Variants in PIKFYVE observed in about 807,000 individuals in gnomAD.
PIKFYVE encodes phosphoinositide kinase, FYVE-type zinc finger containing, also known as 1-phosphatidylinositol 3-phosphate 5-kinase.
In PIKFYVE, 122 loss-of-function variants were observed where a neutral mutation model predicts 257.9. The observed-to-expected ratio is 0.47, with a 90% CI of 0.41 to 0.55. PIKFYVE has a LOEUF of 0.55. Among genes scored for constraint, PIKFYVE ranks in the 20% least tolerant of loss-of-function variants. The probability of loss-of-function intolerance (pLI) is 0.00; values close to 1 mark genes in which losing one functional copy is unlikely to be tolerated. For synonymous variants in PIKFYVE, 892 were observed against 868.9 expected (o/e 1.03, Z -0.47); for missense variants, 2,160 against 2,536.6 (o/e 0.85, Z 3.19).
Position 208,335,785 on chromosome 2 carries a change from A to C in PIKFYVE, c.4257-8A>C, listed in dbSNP as rs750164378. On this transcript the variant is annotated splice_polypyrimidine_tract_variant and splice_region_variant and intron_variant, in intron 25 of 41. Transcript: ENST00000264380. ...TTCTAAAGTGTTTAATGCTCTCGCT[A>C]TTGTTAGAGTTTCACAGGTATATGT... 1.3e-6 allele frequency: 2 copies of C among 1,592,910 alleles called. No homozygotes were observed. Among genetic ancestry groups the C allele is most frequent in the Admixed American group, 3.3e-5 (2 of 59,962 alleles).
At position 208,330,653 on chromosome 2, in the gene PIKFYVE, C is replaced by T. The variant is rs774039365; in HGVS notation, c.3922C>T (p.His1308Tyr). The stretch of plus-strand genomic sequence containing the variant: ...GGATTCTCCAGTACCTGGATATCAG[C>T]ATACAATTCTTACATATTCCTGGTG... ...ELDSPVPGYQ[H>Y]TILTYSWCRI... Residue 1308 changes from histidine to tyrosine, a missense_variant, in exon 23 of 42, where the codon CAT (histidine) becomes TAT (tyrosine). Transcript: ENST00000264380. 1.2e-6 allele frequency: 2 copies of T among 1,613,886 alleles called. No homozygotes were observed. Among genetic ancestry groups the T allele is most frequent in the African/African-American group, 1.3e-5 (1 of 74,904 alleles).
chr2:208,327,578 G>C (rs1336488183), intron 20 of PIKFYVE, among the ~76,000 whole-genome samples: 1 of 152,140 alleles, frequency 6.6e-6, no homozygotes, highest in Non-Finnish European at 1.5e-5. Context: ...TTTGTACTTA[G>C]GAAGTGATGT....
In PIKFYVE at chr2:208,305,786, GAATA is replaced by G. The variant is rs547977681; in HGVS notation, c.1636+780_1636+783del. 3.6e-4 allele frequency among the ~76,000 whole-genome samples: 55 copies of G among 152,160 alleles called. 1 individual carries two copies. In the South Asian group the frequency reaches 5.6e-3, roughly 15 times the overall value. ...TCCTATCATGGGATTGTGTAAAAGT[GAATA>G]AATAAAAAATACATGAGTAAATAAA... On this transcript the variant is annotated intron_variant, in intron 12 of 41. Coordinates refer to ENST00000264380, the MANE Select transcript of PIKFYVE (RefSeq NM_015040.4).
intron 5 of PIKFYVE, 49 bp downstream of exon 5, chr2:208,277,757 A>G (rs1559393017): frequency 3.1e-6 from 5 of 1,587,434 alleles, no homozygotes; most frequent in Non-Finnish European, 3.5e-6. Context: ...TCATAACTAT[A>G]AGACACTTAT....
intron 38 of PIKFYVE, 104 bp from the exon 39 acceptor site, chr2:208,352,550 A>G: frequency 7.4e-7 from 1 of 1,349,324 alleles, no homozygotes; most frequent in Non-Finnish European, 1.0e-6. Context: ...TGGTCATATT[A>G]ATAGAAAATT....
chr2:208,312,504 G>C (rs1695041798), intron 13 of PIKFYVE, among the ~76,000 whole-genome samples: 1 of 152,100 alleles, frequency 6.6e-6, no homozygotes, highest in African/African-American at 2.4e-5. Context: ...GCGAGAAGGA[G>C]GTCTCTGATG....
chr2:208,304,975 A>G lies in PIKFYVE; in HGVS notation c.1598A>G (p.Lys533Arg), dbSNP rs1694149492. ...AACTTCCATATCAAGAAGCCCTCCA[A>G]GTACCCACATGTGCCCCCTCACCCT... Reference protein sequence around the residue: ...NVNFHIKKPSKYPHVPPHPAD... With the variant: ...NVNFHIKKPSRYPHVPPHPAD... Residue 533 changes from lysine (K) to arginine (R), a missense_variant, in exon 12 of 42, where the codon AAG becomes AGG. Lys to Arg is a conservative substitution (Grantham distance 26). Transcript: ENST00000264380. The G allele has an allele frequency of 5.0e-6, 8 of 1,613,790 alleles. No individual in the cohort carries two copies. The highest frequency in any genetic ancestry group is 1.1e-5 in the South Asian group (1 of 91,082).
Position 208,326,021 on chromosome 2 carries a change from A to G in PIKFYVE, c.3210A>G (p.Glu1070=). 6.2e-7 allele frequency: 1 copy of G among 1,614,150 alleles called. No homozygotes were observed. The highest frequency in any genetic ancestry group is 8.5e-7 in the Non-Finnish European group (1 of 1,180,014). Residue 1070 remains glutamate (E), a synonymous_variant, in exon 20 of 42, where the codon GAA becomes GAG. Coordinates refer to ENST00000264380, the MANE Select transcript of PIKFYVE (RefSeq NM_015040.4). ...ITFREPFLLT[E]KGMRCSTRDY... ...TCCGAGAACCCTTTCTTTTAACTGA[A>G]AAGGGGATGAGATGCTCTACCCGAG...
intron 5 of PIKFYVE, among the ~76,000 whole-genome samples, chr2:208,285,185 T>C (rs1440160159): frequency 6.6e-6 from 1 of 152,206 alleles, no homozygotes; most frequent in African/African-American, 2.4e-5. Flanking sequence ...AACCTCCGCC[T>C]CCCGGGTTCA....
rs1699182298 is a variant in PIKFYVE, at chr2:208,345,930, T to G, written c.5112-120T>G. On this transcript the variant is annotated intron_variant, in intron 33 of 41. Transcript: ENST00000264380. ...TAAATTATGAATCAGACTTTTGATA[T>G]TGTAGGTGGGCTTAGGTAGGAAGTA... The G allele has an allele frequency of 3.1e-5, 22 of 698,748 alleles. No homozygotes were observed. In the South Asian group the frequency reaches 3.7e-4, roughly 12 times the overall value. The allele number at this position is 698,748 out of a possible 1,614,324, so 43.3% of individuals were successfully genotyped here. A position where few individuals can be genotyped will look rare whatever the true frequency, so the allele number is the denominator to read the frequency against.
intron 24 of PIKFYVE, among the ~76,000 whole-genome samples, 189 bp downstream of exon 24, chr2:208,333,682 T>C (rs1697809597): frequency 6.6e-6 from 1 of 152,222 alleles, no homozygotes; most frequent in African/African-American, 2.4e-5. Flanking sequence ...CCCTACAAAA[T>C]AGTTCTTATT....
At chr2:208,338,635 T>C (rs1181550943) in intron 29 of PIKFYVE, 67 bp downstream of exon 29, 1 of 1,513,330 alleles carries the variant, frequency 6.6e-7, no homozygotes, top group Non-Finnish European at 9.2e-7. Flanking sequence ...TATAAGTTGT[T>C]TTAAACTGTT....
chr2:208,269,335 G>T, intron 1 of PIKFYVE: 1 of 158,498 alleles, frequency 6.3e-6, no homozygotes, highest in South Asian at 1.8e-4. Flanking sequence ...GGGATCTACA[G>T]AGCTCAGTAG....
intron 32 of PIKFYVE, 124 bp from the exon 33 acceptor site, chr2:208,344,986 AT>A (rs1699096423): frequency 1.4e-6 from 1 of 709,742 alleles, no homozygotes; most frequent in Admixed American, 2.6e-5. Flanking sequence ...GTTAACCAAA[AT>A]TATTTAATTA....
chr2:208,319,112 C>T (rs553118244), intron 16 of PIKFYVE, among the ~76,000 whole-genome samples: 1 of 152,316 alleles, frequency 6.6e-6, no homozygotes, highest in South Asian at 2.1e-4. Flanking sequence ...CCTGGCCCCA[C>T]TTCTGGGGAT....
At chr2:208,326,519 C>T in intron 20 of PIKFYVE, 90 bp downstream of exon 20, 1 of 1,352,962 alleles carries the variant, frequency 7.4e-7, no homozygotes, top group Non-Finnish European at 1.0e-6. Context: ...GTTTGGCAGA[C>T]TGCATGCAGA....
At position 208,282,837 on chromosome 2, in the gene PIKFYVE, G is replaced by A. The variant is rs112118215; in HGVS notation, c.614-2889G>A. Reference sequence around the variant, plus strand: ...AGTTTTTCCATGGACTGGTGTGGGGGACGGGGGATGGTTTTAGGACGAAAC... The same window carrying A: ...AGTTTTTCCATGGACTGGTGTGGGGAACGGGGGATGGTTTTAGGACGAAAC... On this transcript the variant is annotated intron_variant, in intron 5 of 41. Coordinates refer to ENST00000264380, the MANE Select transcript of PIKFYVE (RefSeq NM_015040.4). Among the ~76,000 whole-genome samples the A allele has an allele frequency of 8.9e-3, 1,355 of 152,284 alleles. 21 individuals are homozygous for A. The highest frequency in any genetic ancestry group is 0.031 in the African/African-American group (1,278 of 41,540).
At position 208,331,244 on chromosome 2, in the gene PIKFYVE, G is replaced by C. The variant is rs76525221; in HGVS notation, c.3963+550G>C. Among the ~76,000 whole-genome samples the C allele has an allele frequency of 3.4e-3, 511 of 152,100 alleles. 3 individuals carry two copies. Among genetic ancestry groups the C allele is most frequent in the African/African-American group, 0.012 (494 of 41,496 alleles). On this transcript the variant is annotated intron_variant, in intron 23 of 41. Coordinates refer to ENST00000264380, the MANE Select transcript of PIKFYVE (RefSeq NM_015040.4). The stretch of plus-strand genomic sequence containing the variant: ...GACATGTGTTTTGTTTCTTCTTTGT[G>C]CCTTTCTTTACTTTTCTAACTCTGG...
Position 208,354,149 on chromosome 2 carries a change from T to C in PIKFYVE, c.6096T>C (p.Val2032=), listed in dbSNP as rs1490784389. The change falls in exon 40 of 42, where the codon GTT becomes GTC. Residue 2032 remains valine (V), a synonymous_variant. Coordinates refer to ENST00000264380, the MANE Select transcript of PIKFYVE (RefSeq NM_015040.4). The part of the protein sequence containing the change: ...GRDDTSNELV[V]GIIDYIRTFT... Reference sequence around the variant, plus strand: ...ATGATACTAGCAATGAGCTAGTAGTTGGAATTATAGGTAAGTCAATGAGTA... The same window carrying C: ...ATGATACTAGCAATGAGCTAGTAGTCGGAATTATAGGTAAGTCAATGAGTA... The C allele has an allele frequency of 6.2e-7, 1 of 1,613,238 alleles. No homozygotes were observed. Among genetic ancestry groups the C allele is most frequent in the South Asian group, 1.1e-5 (1 of 91,070 alleles).
Sources: allele counts gnomAD v4.1 joint callset (sites outside exome capture counted in the v4.1 genomes callset), GRCh38; gene constraint gnomAD v4.1.1; transcripts MANE v1.5; gene names NCBI Gene and HGNC (gene_info 2026-07-23, HGNC 2026-07-21).